TSHZ3: variants seen among roughly 807,000 people sequenced by gnomAD.
TSHZ3 encodes the protein teashirt zinc finger homeobox 3, also known as teashirt homolog 3.
A neutral mutation model predicts 64.5 loss-of-function variants in TSHZ3; 10 were observed. That is an observed-to-expected ratio of 0.16 (90% CI 0.10 to 0.26). TSHZ3 has a LOEUF of 0.26. Among genes scored for constraint, TSHZ3 ranks in the 10% least tolerant of loss-of-function variants. The pLI is 1.00. For synonymous variants in TSHZ3, 608 were observed against 593.1 expected, an observed-to-expected ratio of 1.03 and a Z score of -0.36; for missense variants, 1,242 against 1,421.7, an observed-to-expected ratio of 0.87 and a Z score of 2.03.
chr19:31,349,064 A>T (rs1314679181), intron 1 of TSHZ3, 116 bp downstream of exon 1: 12 of 1,323,916 alleles, frequency 9.1e-6, no homozygotes, highest in Non-Finnish European at 1.2e-5. Context: ...CGGCGCCCGG[A>T]GTTACTCAGT....
At chr19:31,293,084 T>A (rs549350086) in intron 1 of TSHZ3, among the ~76,000 whole-genome samples, 2 of 151,280 alleles carry the variant, frequency 1.3e-5, no homozygotes, top group Non-Finnish European at 2.9e-5. Context: ...CAAAAATCCA[T>A]CCATCCATCC....
chr19:31,252,252 G>A (rs887425816), intron 1 of TSHZ3, among the ~76,000 whole-genome samples: 2 of 152,128 alleles, frequency 1.3e-5, no homozygotes, highest in Non-Finnish European at 2.9e-5. Flanking sequence ...TCTGGCTTTT[G>A]GTGGCCTTCC....
At chr19:31,328,354 A>C (rs112473772) in intron 1 of TSHZ3, among the ~76,000 whole-genome samples, 4 of 152,262 alleles carry the variant, frequency 2.6e-5, no homozygotes, top group Non-Finnish European at 1.5e-5. Context: ...TCAGCTATAA[A>C]ACAGCGGGGA....
intron 1 of TSHZ3, among the ~76,000 whole-genome samples, chr19:31,340,013 T>C (rs553214258): frequency 3.3e-5 from 5 of 152,074 alleles, no homozygotes; most frequent in African/African-American, 1.2e-4. Context: ...AAAATTAGCA[T>C]GTTTGAAGTA....
chr19:31,288,160 T>C (rs1302324438), intron 1 of TSHZ3, among the ~76,000 whole-genome samples: 3 of 152,112 alleles, frequency 2.0e-5, no homozygotes, highest in African/African-American at 7.2e-5. Flanking sequence ...ATAATTTAAC[T>C]AGCCGAAGGG....
intron 4 of TSHZ3, among the ~76,000 whole-genome samples, chr19:31,224,092 C>A (rs1380108742): frequency 6.6e-6 from 1 of 152,192 alleles, no homozygotes; most frequent in Non-Finnish European, 1.5e-5. Context: ...GGTAGGAGTA[C>A]AGTTACTATT....
chr19:31,158,084 T>A (rs1974329015), intron 5 of TSHZ3, among the ~76,000 whole-genome samples: 1 of 152,216 alleles, frequency 6.6e-6, no homozygotes, highest in Admixed American at 6.5e-5. Context: ...ACATATAATT[T>A]GGAATGCCCT....
chr19:31,323,118 A>C (rs1916822719), intron 1 of TSHZ3, among the ~76,000 whole-genome samples: 1 of 152,200 alleles, frequency 6.6e-6, no homozygotes. Context: ...CTCTCACATG[A>C]AAATGTTTTA....
intron 1 of TSHZ3, among the ~76,000 whole-genome samples, chr19:31,258,487 T>G (rs74835339): frequency 6.6e-6 from 1 of 152,124 alleles, no homozygotes; most frequent in African/African-American, 2.4e-5. Flanking sequence ...TATGAGTCTC[T>G]CCCTGGCTCT....
intron 1 of TSHZ3, among the ~76,000 whole-genome samples, chr19:31,311,030 A>G (rs894541623): frequency 2.6e-5 from 4 of 152,194 alleles, no homozygotes; most frequent in African/African-American, 9.6e-5. Context: ...CCATCAGCTC[A>G]GCCTCTTGAG....
At chr19:31,197,429 C>A in intron 5 of TSHZ3, among the ~76,000 whole-genome samples, 1 of 148,432 alleles carries the variant, frequency 6.7e-6, no homozygotes, top group African/African-American at 2.5e-5. Flanking sequence ...CAAATTAAGT[C>A]TGGAATAAGG....
intron 1 of TSHZ3, among the ~76,000 whole-genome samples, chr19:31,335,324 C>G (rs1917213170): frequency 6.6e-6 from 1 of 152,228 alleles, no homozygotes; most frequent in Non-Finnish European, 1.5e-5. Flanking sequence ...GAATTTCTCT[C>G]TGAGGAACAG....
rs776580019 is a variant in TSHZ3 at position 31,278,577 on chromosome 19, T to G, written c.1216A>C (p.Met406Leu). 1 of 1,614,158 alleles carries G rather than the reference T, an allele frequency of 6.2e-7. No homozygotes were observed. Residue 406 changes from methionine to leucine, a missense_variant, in exon 2 of 2, where the codon ATG (methionine) becomes CTG (leucine). Met to Leu is a conservative substitution (Grantham distance 15). Coordinates refer to ENST00000240587, the MANE Select transcript of TSHZ3 (RefSeq NM_020856.4). This position sits in a 1 kb window ranked among gnomAD's most constrained non-coding sequence, Gnocchi z 4.7. ...ACCTTGATGAAGTGGCCAGTGACCATCATGTGGGCAGTGAGCTCCTGCAGG... is the reference window on the plus strand; with the variant it reads ...ACCTTGATGAAGTGGCCAGTGACCAGCATGTGGGCAGTGAGCTCCTGCAGG... ...DTLQELTAHM[M>L]VTGHFIKVTN...
intron 1 of TSHZ3, among the ~76,000 whole-genome samples, chr19:31,325,272 A>G (rs970176089): frequency 6.6e-6 from 1 of 152,210 alleles, no homozygotes; most frequent in African/African-American, 2.4e-5. Flanking sequence ...AGGGAATGAC[A>G]TGTGAACTTA....
chr19:31,325,981 G>T (rs186704083), intron 1 of TSHZ3, among the ~76,000 whole-genome samples: 10 of 152,188 alleles, frequency 6.6e-5, no homozygotes, highest in Admixed American at 6.5e-4. Context: ...AAAGAATTTT[G>T]CCTGTACACC....
At chr19:31,192,485 A>G (rs1974925305) in intron 5 of TSHZ3, among the ~76,000 whole-genome samples, 1 of 152,232 alleles carries the variant, frequency 6.6e-6, no homozygotes, top group African/African-American at 2.4e-5. Context: ...CCTGGACATT[A>G]GTGCATGATT....
intron 1 of TSHZ3, among the ~76,000 whole-genome samples, chr19:31,250,004 GCTGC>G (rs1975815700): frequency 6.6e-6 from 1 of 152,234 alleles, no homozygotes; most frequent in Non-Finnish European, 1.5e-5. Context: ...AGGGACATGA[GCTGC>G]TGCTCTGAGC....
At chr19:31,255,986 C>T (rs1207539882) in intron 1 of TSHZ3, among the ~76,000 whole-genome samples, 2 of 152,030 alleles carry the variant, frequency 1.3e-5, no homozygotes, top group Middle Eastern at 3.4e-3. Flanking sequence ...TCACTGGAAG[C>T]GGAGGGGTGT....
At chr19:31,295,605 C>G (rs1976647797) in intron 1 of TSHZ3, among the ~76,000 whole-genome samples, 1 of 152,064 alleles carries the variant, frequency 6.6e-6, no homozygotes, top group African/African-American at 2.4e-5. Flanking sequence ...CAGCAGTTAC[C>G]CTTTGGAGGT....
Sources: allele counts gnomAD v4.1 joint callset (sites outside exome capture counted in the v4.1 genomes callset), GRCh38; gene constraint gnomAD v4.1.1; non-coding constraint Gnocchi (gnomAD v3.1); transcripts MANE v1.5; gene names NCBI Gene and HGNC (gene_info 2026-07-23, HGNC 2026-07-21).